The following MDFIC variants were observed in gnomAD, a reference collection of about 807,000 sequenced individuals.
The protein encoded by MDFIC is myoD family inhibitor domain-containing protein.
A neutral mutation model predicts 23.2 loss-of-function variants in MDFIC; 17 were observed. That is an observed-to-expected ratio of 0.73 (90% confidence interval 0.50 to 1.10). The LOEUF (loss-of-function observed/expected upper bound fraction) is 1.10, where lower values mean the gene tolerates loss of function less well. Ranked by LOEUF, MDFIC falls within the 50% of genes least tolerant of loss-of-function variation. The pLI is 0.00. For missense variants in MDFIC, 356 were observed against 316.6 expected (o/e 1.12, Z -0.95); for synonymous variants, 120 against 115.2 (o/e 1.04, Z -0.27).
rs572978599 is a variant in MDFIC at position 114,991,159 on chromosome 7, GTC to G, written c.493+11380_493+11381del. 6.8e-4 allele frequency among the ~76,000 whole-genome samples: 103 copies of G among 152,290 alleles called. 1 individual carries two copies. In the South Asian group the frequency reaches 0.016, roughly 24 times the overall value. The stretch of plus-strand genomic sequence containing the variant: ...GCATAAATGTCTTGTTTTGAGAAGT[GTC>G]TGTTCATCTCCTTCGCCCACTTTGT... On this transcript the variant is annotated intron_variant, in intron 4 of 4. Transcript: ENST00000393486.
chr7:114,977,997 T>C (rs972069000), intron 3 of MDFIC, among the ~76,000 whole-genome samples: 1 of 148,186 alleles, frequency 6.7e-6, no homozygotes, highest in Non-Finnish European at 1.5e-5. Context: ...TAACCATTAA[T>C]ATTTATATTA....
At chr7:114,945,292 G>A (rs1585097259) in intron 3 of MDFIC, among the ~76,000 whole-genome samples, 1 of 152,202 alleles carries the variant, frequency 6.6e-6, no homozygotes, top group African/African-American at 2.4e-5. Context: ...AAGTCAGGGA[G>A]TGGCTGCTTT....
intron 4 of MDFIC, among the ~76,000 whole-genome samples, chr7:115,006,977 A>G (rs34475897): frequency 6.6e-6 from 1 of 152,030 alleles, no homozygotes; most frequent in African/African-American, 2.4e-5. Flanking sequence ...TAATTGAAAT[A>G]TGGAAAAAAT....
Position 115,015,821 on chromosome 7 carries a change from G to T in MDFIC, c.627G>T (p.Gly209=). Residue 209 remains glycine, a synonymous_variant, in exon 5 of 5, where the codon GGG becomes GGT. Coordinates refer to ENST00000393486, the MANE Select transcript of MDFIC (RefSeq NM_001166345.3). ...ACCCCCGDEM[G]DDCNCPCDMD... The stretch of plus-strand genomic sequence containing the variant: ...GCTGTTGCTGTGGTGACGAGATGGG[G>T]GATGATTGTAACTGCCCTTGTGATA... The T allele has an allele frequency of 1.2e-6, 2 of 1,614,192 alleles. No homozygotes were observed. Among genetic ancestry groups the T allele is most frequent in the Non-Finnish European group, 1.7e-6 (2 of 1,180,042 alleles).
rs112487564 is a variant in MDFIC, at chr7:114,980,839, A to G, written c.493+1058A>G. 2.0e-3 allele frequency among the ~76,000 whole-genome samples: 312 copies of G among 152,352 alleles called. 3 individuals carry two copies. The highest frequency in any genetic ancestry group is 3.5e-3 in the Non-Finnish European group (237 of 68,030). On this transcript the variant is annotated intron_variant, in intron 4 of 4. Coordinates refer to ENST00000393486, the MANE Select transcript of MDFIC (RefSeq NM_001166345.3). The stretch of plus-strand genomic sequence containing the variant: ...AATTGAGTTGTAAATAGGAAATTGT[A>G]TTGAGAATTACCAGTAATGAGTGGG...
chr7:114,932,189 C>A (rs1462691319), intron 2 of MDFIC, among the ~76,000 whole-genome samples: 1 of 152,080 alleles, frequency 6.6e-6, no homozygotes, highest in African/African-American at 2.4e-5. Flanking sequence ...ATAACTCTAT[C>A]AGTTTTTCAC....
intron 3 of MDFIC, among the ~76,000 whole-genome samples, chr7:114,968,795 A>G (rs1009203197): frequency 1.3e-5 from 2 of 152,214 alleles, no homozygotes; most frequent in Non-Finnish European, 2.9e-5. Flanking sequence ...GAGCACTACT[A>G]TTAAAGTTTT....
At chr7:114,969,340 A>C (rs969443245) in intron 3 of MDFIC, among the ~76,000 whole-genome samples, 3 of 152,178 alleles carry the variant, frequency 2.0e-5, no homozygotes, top group Non-Finnish European at 4.4e-5. Flanking sequence ...GACAGCTTAA[A>C]AGCTAGTATA....
chr7:114,978,040 T>C (rs575873035), intron 3 of MDFIC, among the ~76,000 whole-genome samples: 10 of 149,368 alleles, frequency 6.7e-5, no homozygotes, highest in African/African-American at 2.2e-4. Context: ...AATAAAATAA[T>C]TATGCATATT....
At position 115,015,942 on chromosome 7, in the gene MDFIC, A is replaced by T. The variant is rs1478011648; in HGVS notation, c.*7A>T. Reference sequence around the variant, plus strand: ...AATTTGTTTTCCTTCATAAATATTTATCTTTTGTTTGTGTTAAAACTGGAG... The same window carrying T: ...AATTTGTTTTCCTTCATAAATATTTTTCTTTTGTTTGTGTTAAAACTGGAG... On this transcript the variant is annotated 3_prime_UTR_variant, in exon 5 of 5. Transcript: ENST00000393486. The T allele has an allele frequency of 6.2e-7, 1 of 1,608,926 alleles. No homozygotes were observed. Among genetic ancestry groups the T allele is most frequent in the East Asian group, 2.2e-5 (1 of 44,798 alleles).
intron 3 of MDFIC, among the ~76,000 whole-genome samples, chr7:114,947,292 C>T (rs1223474312): frequency 6.6e-6 from 1 of 152,150 alleles, no homozygotes; most frequent in Non-Finnish European, 1.5e-5. Context: ...TTTTGCCTTG[C>T]TCAATGTCTT....
chr7:114,958,716 A>T (rs932339128), intron 3 of MDFIC, among the ~76,000 whole-genome samples: 1 of 152,330 alleles, frequency 6.6e-6, no homozygotes, highest in East Asian at 1.9e-4. Context: ...GCACCATTGC[A>T]CTCTAGCCTG....
chr7:114,922,804 A>G, intron 1 of MDFIC, 123 bp from the exon 2 acceptor site: 1 of 1,352,516 alleles, frequency 7.4e-7, no homozygotes, highest in Non-Finnish European at 9.8e-7. Flanking sequence ...CAAGTTTCAA[A>G]TCAAAACTTC....
intron 3 of MDFIC, among the ~76,000 whole-genome samples, chr7:114,963,548 G>A (rs952349874): frequency 3.9e-5 from 6 of 152,228 alleles, no homozygotes; most frequent in Admixed American, 3.9e-4. Context: ...TTTTATACTA[G>A]TTGCCATAAT....
In MDFIC at chr7:114,955,440, G is replaced by A. The variant is rs536005451; in HGVS notation, c.217+13043G>A. 2.6e-5 allele frequency among the ~76,000 whole-genome samples: 4 copies of A among 152,254 alleles called. No homozygotes were observed. In the East Asian group the frequency reaches 7.7e-4, roughly 29 times the overall value. ...ATTTCTGCCTCATCTGGGACTGGGA[G>A]TGTTTAACTGTATCTCTCCTAAAGG... On this transcript the variant is annotated intron_variant, in intron 3 of 4. Transcript: ENST00000393486.
chr7:114,950,460 G>T (rs1330704719), intron 3 of MDFIC, among the ~76,000 whole-genome samples: 1 of 152,080 alleles, frequency 6.6e-6, no homozygotes, highest in Non-Finnish European at 1.5e-5. Context: ...AAAATGGGTA[G>T]GGAAGGAAAT....
At chr7:114,980,655 C>A (rs1447526557) in intron 4 of MDFIC, among the ~76,000 whole-genome samples, 2 of 152,102 alleles carry the variant, frequency 1.3e-5, no homozygotes, top group Non-Finnish European at 2.9e-5. Context: ...CCCCTTTTAG[C>A]AGTTATTGGA....
intron 3 of MDFIC, among the ~76,000 whole-genome samples, chr7:114,953,926 C>T (rs1411104360): frequency 6.6e-6 from 1 of 152,134 alleles, no homozygotes; most frequent in Non-Finnish European, 1.5e-5. Flanking sequence ...TTACAACCAC[C>T]TTTCTCCCCC....
chr7:115,006,342 G>C (rs1791569995), intron 4 of MDFIC, among the ~76,000 whole-genome samples: 1 of 152,150 alleles, frequency 6.6e-6, no homozygotes, highest in South Asian at 2.1e-4. Flanking sequence ...CTGCCATAAA[G>C]ACCTTATGTC....
Sources: allele counts gnomAD v4.1 joint callset (sites outside exome capture counted in the v4.1 genomes callset), GRCh38; gene constraint gnomAD v4.1.1; transcripts MANE v1.5; gene names NCBI Gene and HGNC (gene_info 2026-07-23, HGNC 2026-07-21).